The following TUBD1 variants were observed in gnomAD, a reference collection of about 807,000 sequenced individuals.
The protein encoded by TUBD1 is tubulin delta 1.
A neutral mutation model predicts 51.2 loss-of-function variants in TUBD1; 38 were observed. The ratio of observed to expected loss-of-function variants is 0.74; its 90% CI spans 0.57 to 0.97. The LOEUF (loss-of-function observed/expected upper bound fraction) is 0.97, where lower values mean the gene tolerates loss of function less well. Ranked by LOEUF, TUBD1 falls within the 50% of genes least tolerant of loss-of-function variation. TUBD1 has a pLI of 0.00. For missense variants in TUBD1, 489 were observed against 538.4 expected (o/e 0.91, Z 0.91); for synonymous variants, 169 against 178.2 (o/e 0.95, Z 0.41).
At position 59,860,083 on chromosome 17, in the gene TUBD1, T is replaced by C; in HGVS notation, c.*239A>G. The C allele has an allele frequency of 4.0e-6, 1 of 249,886 alleles. No homozygotes were observed. The highest frequency in any genetic ancestry group is 7.6e-6 in the Non-Finnish European group (1 of 131,198). The allele number at this position is 249,886 out of a possible 1,614,324, so 15.5% of individuals were successfully genotyped here. ...CAGGCTGGAGTGCAGTGGCGCGATC[T>C]CGGCTCACTGCAAGCTCCGCCTCCT... On this transcript the variant is annotated 3_prime_UTR_variant, in exon 9 of 9. Coordinates refer to ENST00000325752, the MANE Select transcript of TUBD1 (RefSeq NM_016261.4).
intron 7 of TUBD1, among the ~76,000 whole-genome samples, chr17:59,865,351 G>A (rs1333551570): frequency 6.6e-6 from 1 of 150,500 alleles, no homozygotes; most frequent in Admixed American, 7.0e-5. Flanking sequence ...GAGGTCTGCA[G>A]TTTGAGACCA....
At position 59,863,788 on chromosome 17, in the gene TUBD1, C is replaced by G. The variant is rs778688627; in HGVS notation, c.1135G>C (p.Val379Leu). 2 of 1,609,288 alleles carry G rather than the reference C, an allele frequency of 1.2e-6. No homozygotes were observed. The highest frequency in any genetic ancestry group is 4.5e-5 in the East Asian group (2 of 44,664). The change falls in exon 8 of 9, where the codon GTG becomes CTG. Residue 379 changes from valine (V) to leucine (L), a missense_variant. Val to Leu is a conservative substitution (Grantham distance 32). Coordinates refer to ENST00000325752, the MANE Select transcript of TUBD1 (RefSeq NM_016261.4). ...SWLKPVNAFN[V>L]WKTQRAFSKY... ...CTAAAGGCCCGCTGGGTTTTCCACACGTTGAAAGCATTAACAGGCTTCAAC... is the reference window on the plus strand; with the variant it reads ...CTAAAGGCCCGCTGGGTTTTCCACAGGTTGAAAGCATTAACAGGCTTCAAC...
Position 59,860,055 on chromosome 17 carries a change from G to T in TUBD1, c.*267C>A. 1 of 175,420 alleles carries T rather than the reference G, an allele frequency of 5.7e-6. No individual in the cohort carries two copies. Among genetic ancestry groups the T allele is most frequent in the Non-Finnish European group, 1.1e-5 (1 of 93,422 alleles). The allele number at this position is 175,420 out of a possible 1,614,324, so 10.9% of individuals were successfully genotyped here. A position where few individuals can be genotyped will look rare whatever the true frequency, so the allele number is the denominator to read the frequency against. On this transcript the variant is annotated 3_prime_UTR_variant, in exon 9 of 9. Transcript: ENST00000325752. ...TTTTGAGACGGAGTCTCGCTCTGTC[G>T]CCCAGGCTGGAGTGCAGTGGCGCGA...
chr17:59,892,133 AG>A (rs2041112372), intron 1 of TUBD1, among the ~76,000 whole-genome samples: 1 of 152,264 alleles, frequency 6.6e-6, no homozygotes, highest in Non-Finnish European at 1.5e-5. Flanking sequence ...TCTAAATAAT[AG>A]CTTACGCTTT....
At chr17:59,876,867 TC>T (rs1407416761) in intron 5 of TUBD1, among the ~76,000 whole-genome samples, 2 of 151,738 alleles carry the variant, frequency 1.3e-5, no homozygotes, top group East Asian at 1.9e-4. Flanking sequence ...CCTTAACCAT[TC>T]TTTTTTTTTT....
At chr17:59,876,943 C>T (rs895313551) in intron 5 of TUBD1, among the ~76,000 whole-genome samples, 2 of 151,558 alleles carry the variant, frequency 1.3e-5, no homozygotes, top group Non-Finnish European at 2.9e-5. Flanking sequence ...CTGACTGCAA[C>T]GTCTGCCTTA....
At position 59,878,956 on chromosome 17, in the gene TUBD1, T is replaced by C. The variant is rs559923581; in HGVS notation, c.538-622A>G. Among the ~76,000 whole-genome samples, 12 of 152,252 alleles carry C rather than the reference T, an allele frequency of 7.9e-5. No homozygotes were observed. The East Asian group carries it at 2.1e-3, about 27-fold the overall frequency. On this transcript the variant is annotated intron_variant, in intron 4 of 8. Transcript: ENST00000325752. ...CACCTGATTTGTTTCTTCAGCTAGG[T>C]TGATCAACAGGAAATTGGCTTATAT...
At chr17:59,887,985 A>T (rs1598577876) in intron 2 of TUBD1, among the ~76,000 whole-genome samples, 2 of 150,076 alleles carry the variant, frequency 1.3e-5, no homozygotes, top group South Asian at 4.2e-4. Flanking sequence ...CGCAGGCTGG[A>T]GTGCAGTGGT....
Position 59,860,437 on chromosome 17 carries a change from A to C in TUBD1, c.1260-13T>G. ...ATGAATGTAGGCTCTGGTAGAAAAAAAAAAAAAACAGAAATTACAAAATAA... is the reference window on the plus strand; with the variant it reads ...ATGAATGTAGGCTCTGGTAGAAAAACAAAAAAAACAGAAATTACAAAATAA... On this transcript the variant is annotated splice_polypyrimidine_tract_variant and intron_variant, in intron 8 of 8. Coordinates refer to ENST00000325752, the MANE Select transcript of TUBD1 (RefSeq NM_016261.4). 2 of 1,522,564 alleles carry C rather than the reference A, an allele frequency of 1.3e-6. No homozygotes were observed. Among genetic ancestry groups the C allele is most frequent in the Non-Finnish European group, 8.9e-7 (1 of 1,118,512 alleles). The allele number at this position is 1,522,564 out of a possible 1,614,324, so 94.3% of individuals were successfully genotyped here. A position where few individuals can be genotyped will look rare whatever the true frequency, so the allele number is the denominator to read the frequency against.
At chr17:59,884,885 TGCAC>T in intron 3 of TUBD1, 1 of 192,614 alleles carries the variant, frequency 5.2e-6, no homozygotes, top group South Asian at 8.9e-5. Flanking sequence ...ATCATGCCAC[TGCAC>T]TCCAGCCTGG....
At chr17:59,879,041 G>A (rs1270344290) in intron 4 of TUBD1, among the ~76,000 whole-genome samples, 1 of 152,106 alleles carries the variant, frequency 6.6e-6, no homozygotes, top group Non-Finnish European at 1.5e-5. Flanking sequence ...TTGGGAGGCT[G>A]AGGTGGGTGG....
At chr17:59,888,758 G>A (rs1316644436) in intron 2 of TUBD1, among the ~76,000 whole-genome samples, 3 of 151,484 alleles carry the variant, frequency 2.0e-5, no homozygotes, top group Admixed American at 6.6e-5. Context: ...ACGGAGTTTC[G>A]CTCTTGTCAC....
intron 4 of TUBD1, among the ~76,000 whole-genome samples, chr17:59,879,059 G>C (rs1237828453): frequency 6.6e-6 from 1 of 152,042 alleles, no homozygotes; most frequent in Non-Finnish European, 1.5e-5. Context: ...TGGATCACCT[G>C]ATGTTGAGGG....
intron 3 of TUBD1, among the ~76,000 whole-genome samples, chr17:59,885,842 T>C (rs1170980262): frequency 2.6e-5 from 4 of 152,174 alleles, no homozygotes; most frequent in African/African-American, 4.8e-5. Context: ...GTTTGCAGCA[T>C]GACAGTGAGA....
chr17:59,891,122 A>C, intron 1 of TUBD1, 81 bp from the exon 2 acceptor site: 2 of 762,718 alleles, frequency 2.6e-6, no homozygotes, highest in Non-Finnish European at 2.1e-6. Context: ...TTAATTATAC[A>C]TCAATAAAAA....
intron 8 of TUBD1, among the ~76,000 whole-genome samples, chr17:59,861,293 G>C (rs1426835647): frequency 6.6e-6 from 1 of 151,510 alleles, no homozygotes; most frequent in African/African-American, 2.4e-5. Context: ...CTGCCTCCTG[G>C]GGTGAAGCAA....
intron 6 of TUBD1, among the ~76,000 whole-genome samples, chr17:59,872,694 A>ATG (rs60720420): frequency 0.039 from 5,596 of 142,644 alleles, 119 homozygotes; most frequent in South Asian, 0.068. Context: ...GAAAATGGGA[A>ATG]TGTGTGTGTG....
chr17:59,860,745 C>T (rs2039405272), intron 8 of TUBD1, among the ~76,000 whole-genome samples: 1 of 151,908 alleles, frequency 6.6e-6, no homozygotes, highest in Admixed American at 6.6e-5. Flanking sequence ...TGCCACCACA[C>T]CCAGCTAATT....
At chr17:59,864,013 G>GGGTA (rs2039584034) in intron 7 of TUBD1, among the ~76,000 whole-genome samples, 166 bp from the exon 8 acceptor site, 1 of 151,760 alleles carries the variant, frequency 6.6e-6, no homozygotes, top group Non-Finnish European at 1.5e-5. Flanking sequence ...AGGTGGAGGA[G>GGGTA]GGTAGATTGC....
Sources: gnomAD v4.1 joint callset for allele counts (sites outside exome capture counted in the v4.1 genomes callset) on GRCh38, gnomAD v4.1.1 for gene constraint, MANE v1.5 for transcripts, NCBI Gene and HGNC (gene_info 2026-07-23, HGNC 2026-07-21) for gene names.